TLK1: variants seen among roughly 807,000 people sequenced by gnomAD.
The protein encoded by TLK1 is serine/threonine-protein kinase tousled-like 1.
A neutral mutation model predicts 105.3 loss-of-function variants in TLK1; 24 were observed. The observed-to-expected ratio is 0.23, with a 90% CI of 0.17 to 0.32. The LOEUF (loss-of-function observed/expected upper bound fraction) is 0.32, where lower values mean the gene tolerates loss of function less well. Ranked by LOEUF, TLK1 falls within the 10% of genes least tolerant of loss-of-function variation. The pLI is 1.00. For missense variants in TLK1, 558 were observed against 910.5 expected (o/e 0.61, Z 4.98); for synonymous variants, 321 against 310.4 (o/e 1.03, Z -0.36).
chr2:171,140,330 C>T (rs7421377), intron 1 of TLK1, among the ~76,000 whole-genome samples: 1 of 151,942 alleles, frequency 6.6e-6, no homozygotes, highest in East Asian at 1.9e-4. Flanking sequence ...GTTTAAAAAA[C>T]GAAAACTCTA....
At chr2:170,998,046 T>A (rs1399364069) in intron 18 of TLK1, among the ~76,000 whole-genome samples, 1 of 147,536 alleles carries the variant, frequency 6.8e-6, no homozygotes. Flanking sequence ...CTATCTATCT[T>A]TATCTATCTA....
chr2:171,163,376 A>G (rs534536719), upstream of TLK1, among the ~76,000 whole-genome samples: 4 of 152,336 alleles, frequency 2.6e-5, no homozygotes, highest in African/African-American at 9.6e-5. Context: ...ACCTAAATAC[A>G]TGCACTATAA....
At chr2:171,204,587 T>G (rs1019236230) in intron 1 of TLK1, among the ~76,000 whole-genome samples, 3 of 151,708 alleles carry the variant, frequency 2.0e-5, no homozygotes, top group Non-Finnish European at 4.4e-5. Context: ...TATGGCTAAT[T>G]GAAATGATAT....
chr2:171,092,000 G>A (rs1162399497), intron 2 of TLK1, among the ~76,000 whole-genome samples: 1 of 151,962 alleles, frequency 6.6e-6, no homozygotes, highest in East Asian at 1.9e-4. Flanking sequence ...CCAAAGTGCT[G>A]GGATTACAGG....
chr2:171,145,980 G>A (rs1299240098), intron 1 of TLK1, among the ~76,000 whole-genome samples: 1 of 152,088 alleles, frequency 6.6e-6, no homozygotes, highest in African/African-American at 2.4e-5. Context: ...CTCAGTGGTC[G>A]TTACACAGGT....
intron 1 of TLK1, among the ~76,000 whole-genome samples, chr2:171,166,982 C>A (rs1400924037): frequency 1.3e-5 from 2 of 152,146 alleles, no homozygotes; most frequent in African/African-American, 2.4e-5. Flanking sequence ...TATTCAAAAT[C>A]ATTCAAAACT....
chr2:171,042,677 G>A (rs6732108), intron 11 of TLK1, among the ~76,000 whole-genome samples: 3,925 of 151,714 alleles, frequency 0.026, 144 homozygotes, highest in African/African-American at 0.082. Context: ...AAAATATCAT[G>A]GCACCTAGTG....
intron 1 of TLK1, among the ~76,000 whole-genome samples, chr2:171,204,556 C>CAA (rs77025747): frequency 9.4e-6 from 1 of 106,464 alleles, no homozygotes; most frequent in African/African-American, 3.4e-5. Flanking sequence ...TTTGAGCATC[C>CAA]AAAAAAAAAA....
At chr2:171,081,298 G>A (rs1459834183) in intron 3 of TLK1, among the ~76,000 whole-genome samples, 1 of 152,080 alleles carries the variant, frequency 6.6e-6, no homozygotes, top group Non-Finnish European at 1.5e-5. Context: ...ACTGTGATAA[G>A]TGATCTAACT....
intron 1 of TLK1, among the ~76,000 whole-genome samples, chr2:171,200,160 C>G (rs746362553): frequency 6.6e-6 from 1 of 152,148 alleles, no homozygotes; most frequent in Non-Finnish European, 1.5e-5. Flanking sequence ...TTGGAAAACA[C>G]GGTAGAAATA....
intron 2 of TLK1, among the ~76,000 whole-genome samples, chr2:171,107,194 C>T (rs756858408): frequency 2.0e-5 from 3 of 152,172 alleles, no homozygotes; most frequent in Non-Finnish European, 4.4e-5. Flanking sequence ...TGTGTAACTC[C>T]TACTGCACCA....
intron 12 of TLK1, among the ~76,000 whole-genome samples, chr2:171,016,451 G>A (rs985698430): frequency 1.2e-4 from 18 of 152,208 alleles, no homozygotes; most frequent in Non-Finnish European, 1.9e-4. Context: ...TTTTTAGTAC[G>A]TAATTTTGAA....
At chr2:171,037,409 C>A (rs1686410373) in intron 11 of TLK1, among the ~76,000 whole-genome samples, 1 of 149,774 alleles carries the variant, frequency 6.7e-6, no homozygotes, top group Admixed American at 6.7e-5. Context: ...CCATTGTACT[C>A]CAGCCTGGGC....
At chr2:171,144,965 G>C (rs1238874959) in intron 1 of TLK1, among the ~76,000 whole-genome samples, 1 of 152,172 alleles carries the variant, frequency 6.6e-6, no homozygotes, top group Non-Finnish European at 1.5e-5. Context: ...TTATGAAAAA[G>C]TGGTAAACAT....
chr2:171,168,469 G>T (rs1485957178), intron 1 of TLK1, among the ~76,000 whole-genome samples: 1 of 152,180 alleles, frequency 6.6e-6, no homozygotes, highest in African/African-American at 2.4e-5. Flanking sequence ...CATGATCCAG[G>T]TGCTGATTAG....
At chr2:171,165,611 C>T (rs1692592520), upstream of TLK1, among the ~76,000 whole-genome samples, 6 of 152,184 alleles carry the variant, frequency 3.9e-5, no homozygotes, top group South Asian at 1.2e-3. Context: ...TCCCCCAAAC[C>T]AACAAGAAAT....
chr2:171,206,359 C>G (rs1170941558), intron 1 of TLK1, among the ~76,000 whole-genome samples: 1 of 152,018 alleles, frequency 6.6e-6, no homozygotes, highest in East Asian at 1.9e-4. Context: ...GGTGAGATAG[C>G]CAAATTATAA....
At chr2:171,060,958 C>G in intron 4 of TLK1, 123 bp downstream of exon 4, 1 of 892,672 alleles carries the variant, frequency 1.1e-6, no homozygotes, top group Admixed American at 2.4e-5. Context: ...CACTAACTAC[C>G]TGTGCACACA....
intron 1 of TLK1, among the ~76,000 whole-genome samples, chr2:171,203,909 G>A (rs13384675): frequency 0.027 from 4,071 of 152,050 alleles, 207 homozygotes; most frequent in East Asian, 0.2. Context: ...AAAATTTGCC[G>A]GGCGTGGTGG....
Sources: gnomAD v4.1 joint callset for allele counts (sites outside exome capture counted in the v4.1 genomes callset) on GRCh38, gnomAD v4.1.1 for gene constraint, MANE v1.5 for transcripts, NCBI Gene and HGNC (gene_info 2026-07-23, HGNC 2026-07-21) for gene names.